The following DPH6 variants were observed in gnomAD, a reference collection of about 807,000 sequenced individuals.
DPH6 encodes the protein diphthamine biosynthesis 6, also known as diphthine--ammonia ligase.
A neutral mutation model predicts 38.2 loss-of-function variants in DPH6; 33 were observed. That is an observed-to-expected ratio of 0.86 (90% confidence interval 0.65 to 1.15). The LOEUF is 1.15. Among genes scored for constraint, DPH6 ranks in the 50% most tolerant of loss-of-function variants. The probability of loss-of-function intolerance (pLI) is 0.00; values close to 1 mark genes in which losing one functional copy is unlikely to be tolerated. For missense variants in DPH6, 325 were observed against 320.0 expected (o/e 1.02, Z -0.12); for synonymous variants, 108 against 103.0 (o/e 1.05, Z -0.30).
chr15:35,384,049 A>G (rs2052908401), intron 6 of DPH6, among the ~76,000 whole-genome samples: 1 of 152,216 alleles, frequency 6.6e-6, no homozygotes, highest in Non-Finnish European at 1.5e-5. Context: ...TTACCTTTCT[A>G]AAAGTTAGTA....
the DPH6 span, among the ~76,000 whole-genome samples, chr15:35,192,268 T>C: frequency 4.6e-5 from 7 of 152,162 alleles, no homozygotes. Context: ...TTCTCAGTAA[T>C]AGAAGGGAAT....
intron 3 of DPH6, among the ~76,000 whole-genome samples, chr15:35,258,503 T>A (rs191171565): frequency 6.6e-6 from 1 of 152,320 alleles, no homozygotes; most frequent in East Asian, 1.9e-4. Context: ...AAATATTTCA[T>A]AAGTGAGGGA....
At chr15:35,420,347 A>G (rs142309024) in intron 5 of DPH6, among the ~76,000 whole-genome samples, 6 of 149,312 alleles carry the variant, frequency 4.0e-5, no homozygotes, top group Non-Finnish European at 7.5e-5. Flanking sequence ...TCAAAAAGGA[A>G]GAAGGATCTC....
At position 35,400,581 on chromosome 15, in the gene DPH6, A is replaced by G. The variant is rs572068349; in HGVS notation, c.567+10254T>C. 13 of 382,078 alleles carry G rather than the reference A, an allele frequency of 3.4e-5. 1 individual carries two copies. In the South Asian group the frequency reaches 5.1e-4, roughly 15 times the overall value. The allele number at this position is 382,078 out of a possible 1,614,324, so 23.7% of individuals were successfully genotyped here. Reference sequence around the variant, plus strand: ...TTTCTGTGTCAAACACTGAAGAACCATTTGAGAATATAAACCTTGACTAAC... The same window carrying G: ...TTTCTGTGTCAAACACTGAAGAACCGTTTGAGAATATAAACCTTGACTAAC... On this transcript the variant is annotated intron_variant, in intron 6 of 8. Coordinates refer to ENST00000256538, the MANE Select transcript of DPH6 (RefSeq NM_080650.4).
At chr15:35,492,253 G>A (rs752195249) in intron 3 of DPH6, among the ~76,000 whole-genome samples, 14 of 151,940 alleles carry the variant, frequency 9.2e-5, no homozygotes, top group Admixed American at 2.6e-4. Context: ...GCTTTACTCC[G>A]TTTACAAATT....
At chr15:35,226,772 T>C (rs1193688259) in intron 3 of DPH6, among the ~76,000 whole-genome samples, 1 of 152,190 alleles carries the variant, frequency 6.6e-6, no homozygotes, top group Admixed American at 6.5e-5. Flanking sequence ...AATCTACAGG[T>C]TGAACGCAAT....
the DPH6 span, among the ~76,000 whole-genome samples, chr15:35,203,940 T>C: frequency 5.3e-5 from 8 of 151,658 alleles, no homozygotes; most frequent in Non-Finnish European, 8.9e-5. Context: ...GGTGGAGATC[T>C]TATATTATGT....
At chr15:35,486,412 G>A (rs1359349115) in intron 3 of DPH6, among the ~76,000 whole-genome samples, 1 of 152,156 alleles carries the variant, frequency 6.6e-6, no homozygotes. Context: ...CTGCATGGCT[G>A]GGTAGGCCTC....
chr15:35,497,908 T>G (rs75219277), intron 3 of DPH6, among the ~76,000 whole-genome samples: 17 of 152,174 alleles, frequency 1.1e-4, no homozygotes, highest in Admixed American at 1.1e-3. Context: ...AATACATGAA[T>G]TGATGATAAC....
downstream of DPH6, among the ~76,000 whole-genome samples, chr15:35,368,624 C>A (rs1213962324): frequency 6.6e-6 from 1 of 151,636 alleles, no homozygotes; most frequent in African/African-American, 2.4e-5. Context: ...CATATTAGGA[C>A]TAGAATATAA....
chr15:35,407,701 T>C (rs2053313055), intron 6 of DPH6, among the ~76,000 whole-genome samples: 1 of 151,962 alleles, frequency 6.6e-6, no homozygotes, highest in East Asian at 1.9e-4. Flanking sequence ...GGACAAAACA[T>C]TTCAGGCAGG....
rs375391034 is a variant in DPH6, at chr15:35,243,226, T to C, written n.201-22644A>G. Among the ~76,000 whole-genome samples the C allele has an allele frequency of 1.3e-4, 18 of 141,840 alleles. 3 individuals carry two copies. The highest frequency in any genetic ancestry group is 3.1e-4 in the Admixed American group (4 of 12,908). The allele number at this position is 141,840 out of a possible 152,430, so 93.1% of individuals were successfully genotyped here. Reference sequence around the variant, plus strand: ...CACAATATCACCCCTTACCACAAGATCTCCCTTCAGCTTAATCTCTCCCAC... The same window carrying C: ...CACAATATCACCCCTTACCACAAGACCTCCCTTCAGCTTAATCTCTCCCAC... On this transcript the variant is annotated intron_variant and non_coding_transcript_variant, in intron 3 of 3. Coordinates refer to the DPH6 transcript ENST00000560386.
intron 3 of DPH6, chr15:35,299,128 C>T (rs928363264): frequency 7.0e-5 from 72 of 1,030,508 alleles, no homozygotes; most frequent in Non-Finnish European, 9.6e-5. Flanking sequence ...TTCTTACAAT[C>T]GTTAGGAAAC....
intron 3 of DPH6, among the ~76,000 whole-genome samples, chr15:35,491,216 G>C (rs1747964274): frequency 6.6e-6 from 1 of 151,446 alleles, no homozygotes; most frequent in Non-Finnish European, 1.5e-5. Context: ...ATAATGGATG[G>C]AAGGATAAAG....
intron 6 of DPH6, among the ~76,000 whole-genome samples, chr15:35,408,903 A>G (rs2053328883): frequency 6.6e-6 from 1 of 151,934 alleles, no homozygotes; most frequent in Admixed American, 6.6e-5. Context: ...TTGGTTTTGA[A>G]GCAAAGAAGA....
rs1487273441 is a variant in DPH6, at chr15:35,373,585, T to G, written c.686A>C (p.His229Pro). Residue 229 changes from histidine to proline, a missense_variant, in exon 8 of 9, where the codon CAT (histidine) becomes CCT (proline). By Grantham distance (77) the His-to-Pro change is moderately conservative (BLOSUM62 -2). Transcript: ENST00000256538. ...IIVDSSEVVI[H>P]SADAFAPVAY... ...CACAGGTGCAAATGCATCAGCTGAA[T>G]GTATGACTACTTCTGATGAATCCCT... The G allele has an allele frequency of 6.2e-7, 1 of 1,609,344 alleles. No individual in the cohort carries two copies. Among genetic ancestry groups the G allele is most frequent in the Non-Finnish European group, 8.5e-7 (1 of 1,177,680 alleles).
At chr15:35,503,882 G>A (rs1246319534) in intron 3 of DPH6, among the ~76,000 whole-genome samples, 3 of 151,974 alleles carry the variant, frequency 2.0e-5, no homozygotes, top group Non-Finnish European at 1.5e-5. Flanking sequence ...GTGGCAGCTG[G>A]GGAACCAGGT....
At chr15:35,177,423 A>C in the DPH6 span, among the ~76,000 whole-genome samples, 1 of 141,950 alleles carries the variant, frequency 7.0e-6, no homozygotes, top group Non-Finnish European at 1.5e-5. Context: ...CAAAAATAAT[A>C]ATAATAATAA....
intron 3 of DPH6, among the ~76,000 whole-genome samples, chr15:35,224,449 A>C (rs1340933346): frequency 6.6e-6 from 1 of 152,078 alleles, no homozygotes; most frequent in Non-Finnish European, 1.5e-5. Context: ...GGATGTACTA[A>C]AGTTTGTTCA....
Sources: allele counts gnomAD v4.1 joint callset (sites outside exome capture counted in the v4.1 genomes callset), GRCh38; gene constraint gnomAD v4.1.1; transcripts MANE v1.5; gene names NCBI Gene and HGNC (gene_info 2026-07-23, HGNC 2026-07-21).